The following UBE2D2 variants were observed in gnomAD, a reference collection of about 807,000 sequenced individuals.
The protein encoded by UBE2D2 is ubiquitin-conjugating enzyme E2 D2.
UBE2D2 carries 2 observed loss-of-function variants against 24.2 expected under a neutral mutation model. The ratio of observed to expected loss-of-function variants is 0.08; its 90% CI spans 0.03 to 0.26. The LOEUF is 0.26. Among genes scored for constraint, UBE2D2 ranks in the 10% least tolerant of loss-of-function variants. The pLI, the probability that UBE2D2 is intolerant of heterozygous loss-of-function variation, is 1.00. For synonymous variants in UBE2D2, 58 were observed against 56.5 expected (o/e 1.03, Z -0.12); for missense variants, 44 against 177.6 (o/e 0.25, Z 4.28).
intron 1 of UBE2D2, chr5:139,562,352 C>A: frequency 7.5e-7 from 1 of 1,340,272 alleles, no homozygotes; most frequent in South Asian, 1.2e-5. Flanking sequence ...ACACATCGGT[C>A]CACCCTGCTT....
At chr5:139,575,943 A>G (rs911431164) in intron 1 of UBE2D2, among the ~76,000 whole-genome samples, 4 of 152,188 alleles carry the variant, frequency 2.6e-5, no homozygotes, top group African/African-American at 9.7e-5. Flanking sequence ...GGATCTCTTG[A>G]GGCCCAGAGT....
Position 139,546,434 on chromosome 5 carries a change from C to T in UBE2D2, c.-64+19822C>T, listed in dbSNP as rs144322049. Among the ~76,000 whole-genome samples, 337 of 152,236 alleles carry T rather than the reference C, an allele frequency of 2.2e-3. 8 individuals carry two copies. The East Asian group carries it at 0.056, about 25-fold the overall frequency. On this transcript the variant is annotated intron_variant, in intron 1 of 6. Coordinates refer to the UBE2D2 transcript ENST00000511725. ...TCCTGACCTCATGAACCACTTGCCTCGGCCTCCCAAAGTGCTGGGATTACT... is the reference window on the plus strand; with the variant it reads ...TCCTGACCTCATGAACCACTTGCCTTGGCCTCCCAAAGTGCTGGGATTACT...
chr5:139,590,608 A>G (rs143656530), intron 1 of UBE2D2, among the ~76,000 whole-genome samples: 66 of 151,998 alleles, frequency 4.3e-4, no homozygotes, highest in Non-Finnish European at 8.4e-4. Flanking sequence ...TGTCTTGTTT[A>G]TGGACTCTTA....
At chr5:139,526,939 G>A (rs1431533150) in intron 1 of UBE2D2, among the ~76,000 whole-genome samples, 2 of 152,156 alleles carry the variant, frequency 1.3e-5, no homozygotes, top group Non-Finnish European at 2.9e-5. Flanking sequence ...AAGTGTGTGT[G>A]TACCCTCTTT....
intron 1 of UBE2D2, among the ~76,000 whole-genome samples, chr5:139,533,933 C>T (rs888360370): frequency 4.6e-5 from 7 of 151,474 alleles, no homozygotes; most frequent in Non-Finnish European, 7.4e-5. Context: ...CAGGCGCCCG[C>T]CACCAAGCCT....
chr5:139,617,865 A>T (rs1238426679), intron 5 of UBE2D2, among the ~76,000 whole-genome samples: 1 of 152,196 alleles, frequency 6.6e-6, no homozygotes, highest in Non-Finnish European at 1.5e-5. Context: ...GGTTCCTTGT[A>T]AGTACTCCAA....
intron 1 of UBE2D2, among the ~76,000 whole-genome samples, chr5:139,552,509 CTT>C (rs35945797): frequency 3.3e-4 from 41 of 124,196 alleles, no homozygotes; most frequent in African/African-American, 4.7e-4. Flanking sequence ...TTTCTTTTTT[CTT>C]TTTTTTTTTT....
At chr5:139,597,601 A>C (rs968560772) in intron 1 of UBE2D2, among the ~76,000 whole-genome samples, 1 of 152,270 alleles carries the variant, frequency 6.6e-6, no homozygotes, top group African/African-American at 2.4e-5. Context: ...AATCAAAAGT[A>C]AAATTCCACT....
chr5:139,529,928 C>T (rs1179942151), intron 1 of UBE2D2, among the ~76,000 whole-genome samples: 2 of 152,154 alleles, frequency 1.3e-5, no homozygotes, highest in Non-Finnish European at 2.9e-5. Context: ...AGATCAATGG[C>T]CATGGGAAGC....
chr5:139,526,675 C>T (rs757700170), intron 1 of UBE2D2: 2 of 152,190 alleles, frequency 1.3e-5, no homozygotes, highest in African/African-American at 2.4e-5. Flanking sequence ...TGATCACCCA[C>T]GGTGTGCCTG....
intron 1 of UBE2D2, among the ~76,000 whole-genome samples, chr5:139,552,509 CTTTTTTTTT>C (rs35945797): frequency 3.2e-5 from 4 of 124,246 alleles, no homozygotes; most frequent in African/African-American, 1.3e-4. Context: ...TTTCTTTTTT[CTTTTTTTTT>C]TTTTTTTGAG....
In UBE2D2 at chr5:139,532,188, T is replaced by G. The variant is rs2162835; in HGVS notation, c.-64+5576T>G. Among the ~76,000 whole-genome samples the G allele has an allele frequency of 6.7e-3, 1,007 of 150,050 alleles. 6 individuals are homozygous for G. The highest frequency in any genetic ancestry group is 0.031 in the Middle Eastern group (9 of 288). On this transcript the variant is annotated intron_variant, in intron 1 of 6. Coordinates refer to the UBE2D2 transcript ENST00000511725. ...ATTTATTCTACTTTTTTTTTTTTTT[T>G]GGGGGGGACAGAGTCTTGCTCTGTT...
At chr5:139,527,295 TC>T (rs1252849186) in intron 1 of UBE2D2, among the ~76,000 whole-genome samples, 1 of 151,726 alleles carries the variant, frequency 6.6e-6, no homozygotes, top group Non-Finnish European at 1.5e-5. Context: ...CTTCCCCCTC[TC>T]CCCACAGTAG....
intron 1 of UBE2D2, among the ~76,000 whole-genome samples, chr5:139,582,420 A>G (rs1753624247): frequency 1.3e-5 from 2 of 151,938 alleles, no homozygotes; most frequent in South Asian, 4.1e-4. Context: ...AATGTTGGCC[A>G]GGCTGGTCTT....
Position 139,541,543 on chromosome 5 carries a change from T to A in UBE2D2, c.-64+14931T>A, listed in dbSNP as rs1400065180. On this transcript the variant is annotated intron_variant, in intron 1 of 6. Transcript: ENST00000511725. ...TGAATCCAGGAGGCAGAGGTTGCAG[T>A]GAGCCAAGATCGGGCCACTGCACTC... Among the ~76,000 whole-genome samples the A allele has an allele frequency of 2.2e-5, 3 of 135,750 alleles. No individual in the cohort carries two copies. The East Asian group carries it at 6.3e-4, about 29-fold the overall frequency. The allele number at this position is 135,750 out of a possible 152,430, so 89.1% of individuals were successfully genotyped here.
Position 139,545,684 on chromosome 5 carries a change from A to G in UBE2D2, c.-64+19072A>G, listed in dbSNP as rs190718890. On this transcript the variant is annotated intron_variant, in intron 1 of 6. Coordinates refer to the UBE2D2 transcript ENST00000511725. The stretch of plus-strand genomic sequence containing the variant: ...CCTGATCCACTCGCCTCGACCTCCC[A>G]AAGGTCTGGGATTACTGGCGTGAAA... 2.1e-3 allele frequency among the ~76,000 whole-genome samples: 311 copies of G among 148,852 alleles called. 1 individual carries two copies. The highest frequency in any genetic ancestry group is 7.4e-3 in the African/African-American group (295 of 40,112).
chr5:139,530,310 A>T (rs184816977), intron 1 of UBE2D2, among the ~76,000 whole-genome samples: 1 of 152,308 alleles, frequency 6.6e-6, no homozygotes, highest in Non-Finnish European at 1.5e-5. Flanking sequence ...TAGCTGTATA[A>T]TTGGCACCAT....
At chr5:139,621,622 CT>C (rs1369737850) in intron 5 of UBE2D2, among the ~76,000 whole-genome samples, 84 of 145,668 alleles carry the variant, frequency 5.8e-4, no homozygotes, top group Admixed American at 6.2e-4. Context: ...GTGTGGCTGT[CT>C]TTTTTTTTTT....
intron 2 of UBE2D2, among the ~76,000 whole-genome samples, chr5:139,604,924 A>AC (rs944624391): frequency 1.3e-5 from 2 of 151,960 alleles, no homozygotes. Context: ...TTTCTGATGA[A>AC]CCCCACATAA....
Sources: gnomAD v4.1 joint callset for allele counts (sites outside exome capture counted in the v4.1 genomes callset) on GRCh38, gnomAD v4.1.1 for gene constraint, MANE v1.5 for transcripts, NCBI Gene and HGNC (gene_info 2026-07-23, HGNC 2026-07-21) for gene names.